Variants in HDAC9 observed in about 807,000 individuals in gnomAD.
HDAC9 encodes histone deacetylase 9.
In HDAC9, 41 loss-of-function variants were observed where a neutral mutation model predicts 139.4. That is an observed-to-expected ratio of 0.29 (90% CI 0.23 to 0.38). HDAC9 has a LOEUF of 0.38. HDAC9 is among the 10% of genes least tolerant of loss of function. HDAC9 has a pLI of 1.00. For missense variants in HDAC9, 1,147 were observed against 1,297.0 expected (o/e 0.88, Z 1.78); for synonymous variants, 517 against 476.2 (o/e 1.09, Z -1.12).
At chr7:18,121,469 T>C (rs1305709668) in intron 1 of HDAC9, among the ~76,000 whole-genome samples, 1 of 148,704 alleles carries the variant, frequency 6.7e-6, no homozygotes, top group African/African-American at 2.5e-5. Context: ...TGTCAATTGG[T>C]AGGTTTAATA....
intron 17 of HDAC9, among the ~76,000 whole-genome samples, chr7:18,815,527 C>A (rs989657690): frequency 6.6e-6 from 1 of 152,210 alleles, no homozygotes; most frequent in Non-Finnish European, 1.5e-5. Context: ...TCATCAGGTG[C>A]CCTGTCTCCT....
Position 18,295,654 on chromosome 7 carries a change from G to A in HDAC9, c.-42+5139G>A, listed in dbSNP as rs547977891. Among the ~76,000 whole-genome samples the A allele has an allele frequency of 1.6e-4, 24 of 152,252 alleles. No homozygotes were observed. The South Asian group carries it at 5.0e-3, about 32-fold the overall frequency. On this transcript the variant is annotated intron_variant, in intron 1 of 3. Coordinates refer to the HDAC9 transcript ENST00000413509. ...GGAAGTGCAAAAGTACTTGAAATCA[G>A]CACTTTCTTCTTGTGTATTCCCAAT...
intron 12 of HDAC9, among the ~76,000 whole-genome samples, chr7:18,720,966 G>A (rs371065567): frequency 3.3e-5 from 5 of 151,908 alleles, no homozygotes; most frequent in South Asian, 4.2e-4. Context: ...AGTGTGAGCC[G>A]CTGTGCCCAG....
intron 8 of HDAC9, 73 bp downstream of exon 8, chr7:18,634,815 C>A: frequency 1.2e-6 from 1 of 847,482 alleles, no homozygotes; most frequent in Non-Finnish European, 1.9e-6. Flanking sequence ...AGTGATATTT[C>A]TGAGTTGACC....
chr7:18,576,649 TTCA>T (rs1826030202), intron 2 of HDAC9, among the ~76,000 whole-genome samples: 1 of 138,678 alleles, frequency 7.2e-6, no homozygotes, highest in Non-Finnish European at 1.5e-5. Context: ...AGAGTGAGAC[TTCA>T]TGTCAAAAAA....
intron 6 of HDAC9, among the ~76,000 whole-genome samples, chr7:18,602,739 A>G (rs1834326382): frequency 6.6e-6 from 1 of 151,996 alleles, no homozygotes; most frequent in African/African-American, 2.4e-5. Context: ...ATTTCTAATT[A>G]CTTGAGTATT....
intron 12 of HDAC9, among the ~76,000 whole-genome samples, chr7:18,721,351 C>T (rs551302043): frequency 6.6e-6 from 1 of 151,794 alleles, no homozygotes; most frequent in Non-Finnish European, 1.5e-5. Flanking sequence ...CATTAACATA[C>T]TTAATATGTG....
intron 3 of HDAC9, 127 bp from the exon 4 acceptor site, chr7:18,590,209 A>G (rs1445281055): frequency 3.1e-6 from 3 of 975,228 alleles, no homozygotes; most frequent in Admixed American, 5.7e-5. Context: ...GATTTACAGA[A>G]AAAGTGGGTA....
intron 17 of HDAC9, among the ~76,000 whole-genome samples, chr7:18,816,121 T>G (rs1794544071): frequency 6.6e-6 from 1 of 152,252 alleles, no homozygotes; most frequent in Non-Finnish European, 1.5e-5. Flanking sequence ...TACCAATAGT[T>G]CAGATATGAA....
intron 14 of HDAC9, among the ~76,000 whole-genome samples, chr7:18,758,232 G>A (rs565509184): frequency 6.6e-6 from 1 of 152,282 alleles, no homozygotes; most frequent in East Asian, 1.9e-4. Flanking sequence ...TATTTGCATT[G>A]TGTGCCCCAA....
intron 2 of HDAC9, among the ~76,000 whole-genome samples, chr7:18,170,685 A>G (rs1157653679): frequency 6.6e-6 from 1 of 152,148 alleles, no homozygotes; most frequent in Non-Finnish European, 1.5e-5. Flanking sequence ...TTTTCCCAGC[A>G]CCATTTATTA....
At chr7:18,369,262 C>A (rs143016754) in intron 1 of HDAC9, among the ~76,000 whole-genome samples, 1 of 151,850 alleles carries the variant, frequency 6.6e-6, no homozygotes, top group African/African-American at 2.4e-5. Context: ...TAGTGGAATT[C>A]GTATGGAAAT....
chr7:18,372,390 G>C (rs1375735859), intron 1 of HDAC9, among the ~76,000 whole-genome samples: 2 of 152,310 alleles, frequency 1.3e-5, no homozygotes, highest in South Asian at 2.1e-4. Flanking sequence ...ACCAGGACAG[G>C]CATGGCAGGA....
At chr7:18,707,129 G>A (rs1236001450) in intron 12 of HDAC9, among the ~76,000 whole-genome samples, 1 of 152,174 alleles carries the variant, frequency 6.6e-6, no homozygotes, top group Non-Finnish European at 1.5e-5. Flanking sequence ...ACAAAGAGAG[G>A]GAGGAACTGG....
chr7:18,574,933 C>A (rs1193223494), intron 2 of HDAC9, among the ~76,000 whole-genome samples: 4 of 150,740 alleles, frequency 2.7e-5, no homozygotes, highest in Non-Finnish European at 5.9e-5. Context: ...TGCAGCTGCA[C>A]CCCGGAGGGT....
intron 21 of HDAC9, among the ~76,000 whole-genome samples, chr7:18,857,670 G>A (rs1183679574): frequency 6.6e-6 from 1 of 152,114 alleles, no homozygotes; most frequent in Admixed American, 6.6e-5. Context: ...AACTTGTTAA[G>A]TATAGGAATC....
chr7:18,982,939 C>A (rs886915878), intron 25 of HDAC9, among the ~76,000 whole-genome samples: 3 of 152,072 alleles, frequency 2.0e-5, no homozygotes, highest in Non-Finnish European at 4.4e-5. Context: ...TAAAGCTGAT[C>A]AATTAATTAT....
At chr7:18,246,621 T>A (rs1794551972) in intron 2 of HDAC9, among the ~76,000 whole-genome samples, 1 of 151,930 alleles carries the variant, frequency 6.6e-6, no homozygotes, top group Non-Finnish European at 1.5e-5. Flanking sequence ...TGGAGTCTAG[T>A]AAGTGAAGGG....
At position 18,937,439 on chromosome 7, in the gene HDAC9, G is replaced by T. The variant is rs377070975; in HGVS notation, c.2937+1497G>T. ...TTTCAGATCACGCACAATTCAACGT[G>T]TGTAAAATTTTCTAAAATGTTAGTG... On this transcript the variant is annotated intron_variant, in intron 23 of 25. Coordinates refer to ENST00000686413, the MANE Select transcript of HDAC9 (RefSeq NM_178425.4). Among the ~76,000 whole-genome samples, 14 of 152,236 alleles carry T rather than the reference G, an allele frequency of 9.2e-5. No individual in the cohort carries two copies. In the East Asian group the frequency reaches 9.6e-4, roughly 10 times the overall value.
Sources: allele counts gnomAD v4.1 joint callset (sites outside exome capture counted in the v4.1 genomes callset), GRCh38; gene constraint gnomAD v4.1.1; transcripts MANE v1.5; gene names NCBI Gene and HGNC (gene_info 2026-07-23, HGNC 2026-07-21).